Variants in LRRC38 observed in about 807,000 individuals in gnomAD.
LRRC38 encodes the protein leucine-rich repeat-containing protein 38.
Under a neutral mutation model 16.4 loss-of-function variants are expected in LRRC38, and 5 were observed. The observed-to-expected ratio is 0.31, with a 90% CI of 0.16 to 0.64. LRRC38 has a LOEUF of 0.64. Ranked by LOEUF, LRRC38 falls within the 30% of genes least tolerant of loss-of-function variation. The pLI is 0.80. For synonymous variants in LRRC38, 191 were observed against 190.2 expected (o/e 1.00, Z -0.04); for missense variants, 341 against 401.8 (o/e 0.85, Z 1.29).
intron 1 of LRRC38, among the ~76,000 whole-genome samples, chr1:13,504,864 A>AG (rs1491081475): frequency 7.2e-6 from 1 of 139,732 alleles, no homozygotes; most frequent in East Asian, 2.7e-4. Flanking sequence ...AAGAAAAAAG[A>AG]AAAAGAGAAA....
At chr1:13,484,322 G>C (rs1222543132) in intron 1 of LRRC38, among the ~76,000 whole-genome samples, 1 of 151,922 alleles carries the variant, frequency 6.6e-6, no homozygotes, top group Admixed American at 6.6e-5. Flanking sequence ...CTCTGAGCAG[G>C]TATTTATTTT....
intron 1 of LRRC38, among the ~76,000 whole-genome samples, chr1:13,483,681 G>A (rs1475068967): frequency 2.0e-5 from 3 of 152,144 alleles, no homozygotes; most frequent in African/African-American, 7.2e-5. Flanking sequence ...CCTGGTGCCT[G>A]TGTGACCCTG....
At position 13,513,618 on chromosome 1, in the gene LRRC38, G is replaced by T; in HGVS notation, c.-25C>A. 9.4e-7 allele frequency: 1 copy of T among 1,065,696 alleles called. No individual in the cohort carries two copies. The highest frequency in any genetic ancestry group is 4.4e-5 in the South Asian group (1 of 22,798). The allele number at this position is 1,065,696 out of a possible 1,614,324, so 66.0% of individuals were successfully genotyped here. On this transcript the variant is annotated 5_prime_UTR_variant, in exon 1 of 2. Transcript: ENST00000376085. The stretch of plus-strand genomic sequence containing the variant: ...TGGCCGGGGGGCCCGCGCCGGCCGC[G>T]GCGAGAAGGAAGCGGCTCTCGGAGC...
At position 13,475,563 on chromosome 1, in the gene LRRC38, C is replaced by G. The variant is rs1638775991; in HGVS notation, c.*283G>C. The G allele has an allele frequency of 2.5e-6, 1 of 398,560 alleles. No homozygotes were observed. The highest frequency in any genetic ancestry group is 3.7e-5 in the Admixed American group (1 of 26,786). 24.7% of individuals were successfully genotyped at this position (398,560 alleles called of 1,614,324 possible). A position where few individuals can be genotyped will look rare whatever the true frequency, so the allele number is the denominator to read the frequency against. On this transcript the variant is annotated 3_prime_UTR_variant, in exon 2 of 2. Coordinates refer to ENST00000376085, the MANE Select transcript of LRRC38 (RefSeq NM_001010847.2). This position sits in a 1 kb window ranked among gnomAD's most constrained non-coding sequence, Gnocchi z 4.3. ...AGGCTTTTAGTCATCAGCTATGAAG[C>G]CTGACTCGGTCATCTTCTCCCCCAA...
At chr1:13,502,371 C>A (rs1446238755) in intron 1 of LRRC38, among the ~76,000 whole-genome samples, 1 of 152,172 alleles carries the variant, frequency 6.6e-6, no homozygotes, top group East Asian at 1.9e-4. Context: ...TTCCCCTGAC[C>A]TCGGGGCTCC....
intron 1 of LRRC38, among the ~76,000 whole-genome samples, chr1:13,482,800 A>G (rs1313073715): frequency 6.6e-6 from 1 of 152,160 alleles, no homozygotes; most frequent in African/African-American, 2.4e-5. Flanking sequence ...AGAATAGTGA[A>G]GGAAAGCCAA....
At chr1:13,502,460 T>C (rs138919172) in intron 1 of LRRC38, among the ~76,000 whole-genome samples, 1 of 151,920 alleles carries the variant, frequency 6.6e-6, no homozygotes, top group African/African-American at 2.4e-5. Context: ...GCTCACCACC[T>C]CCTCCCTCTG....
chr1:13,513,619 G>GGGC lies in LRRC38; in HGVS notation c.-27_-26insGCC. ...GGCCGGGGGGCCCGCGCCGGCCGCG[G>GGGC]CGAGAAGGAAGCGGCTCTCGGAGCG... On this transcript the variant is annotated 5_prime_UTR_variant, in exon 1 of 2. Coordinates refer to ENST00000376085, the MANE Select transcript of LRRC38 (RefSeq NM_001010847.2). 1 of 1,064,878 alleles carries GGGC rather than the reference G, an allele frequency of 9.4e-7. No individual in the cohort carries two copies. The highest frequency in any genetic ancestry group is 7.4e-5 in the East Asian group (1 of 13,568). 66.0% of individuals were successfully genotyped at this position (1,064,878 alleles called of 1,614,324 possible).
intron 1 of LRRC38, among the ~76,000 whole-genome samples, chr1:13,505,961 G>GTCTGGGCTGTGGGAGGGAGCTCA (rs1434171578): frequency 6.6e-6 from 1 of 152,082 alleles, no homozygotes; most frequent in Admixed American, 6.6e-5. Flanking sequence ...GAGGGAGCTC[G>GTCTGGGCTGTGGGAGGGAGCTCA]GTTGATTCTA....
chr1:13,478,479 G>T (rs1431194137), intron 1 of LRRC38, among the ~76,000 whole-genome samples: 1 of 152,154 alleles, frequency 6.6e-6, no homozygotes, highest in Non-Finnish European at 1.5e-5. Flanking sequence ...GATTAACAAG[G>T]TGCCCTTTTC....
chr1:13,487,769 G>T lies in LRRC38; in HGVS notation c.632-11670C>A, dbSNP rs1005264844. Among the ~76,000 whole-genome samples, 1 of 152,144 alleles carries T rather than the reference G, an allele frequency of 6.6e-6. No individual in the cohort carries two copies. The highest frequency in any genetic ancestry group is 2.4e-5 in the African/African-American group (1 of 41,442). ...TGAGATTAATCTCTTGCACCGGACC[G>T]GCCCCTTGCCAACAAACAGGCCTGC... is the stretch of plus-strand genomic sequence containing the variant. On this transcript the variant is annotated intron_variant, in intron 1 of 1. Transcript: ENST00000376085. This position sits in a 1 kb window ranked among gnomAD's most constrained non-coding sequence, Gnocchi z 4.4.
At chr1:13,490,891 G>A (rs6676431) in intron 1 of LRRC38, among the ~76,000 whole-genome samples, 11,866 of 152,032 alleles carry the variant, frequency 0.078, 1,582 homozygotes, top group African/African-American at 0.27. Flanking sequence ...TCGCCGGCAC[G>A]CTAGAAAAAG....
chr1:13,493,679 A>G (rs1439253157), intron 1 of LRRC38, among the ~76,000 whole-genome samples: 1 of 152,232 alleles, frequency 6.6e-6, no homozygotes, highest in African/African-American at 2.4e-5. Flanking sequence ...CGATGCAGAG[A>G]GGTCATGGGG....
At chr1:13,512,927 C>CG in intron 1 of LRRC38, 36 bp downstream of exon 1, 18 of 1,333,520 alleles carry the variant, frequency 1.3e-5, no homozygotes, top group Non-Finnish European at 1.7e-5. Context: ...CCCTGCCCCC[C>CG]TCCCTCCCTC....
intron 1 of LRRC38, among the ~76,000 whole-genome samples, chr1:13,493,058 A>G (rs1255455412): frequency 6.6e-6 from 1 of 152,242 alleles, no homozygotes; most frequent in Non-Finnish European, 1.5e-5. Context: ...CCGTGAGTGC[A>G]GGCATCTCAC....
At chr1:13,479,084 A>C (rs1391640298) in intron 1 of LRRC38, among the ~76,000 whole-genome samples, 1 of 152,218 alleles carries the variant, frequency 6.6e-6, no homozygotes, top group Non-Finnish European at 1.5e-5. Context: ...AATGCATTTG[A>C]ATAAAACAGG....
intron 1 of LRRC38, among the ~76,000 whole-genome samples, chr1:13,482,463 C>A (rs1341197212): frequency 6.6e-6 from 1 of 151,956 alleles, no homozygotes; most frequent in Non-Finnish European, 1.5e-5. Flanking sequence ...GCCTCTACTC[C>A]CAGCTACTTG....
Position 13,475,816 on chromosome 1 carries a change from G to C in LRRC38, c.*30C>G. ...GGAGAGAGCTTCTGGTTCGGTGCTG[G>C]AGAGTAAGAGGCAGGAGGGAGGAGG... On this transcript the variant is annotated 3_prime_UTR_variant, in exon 2 of 2. Transcript: ENST00000376085. This position sits in a 1 kb window ranked among gnomAD's most constrained non-coding sequence, Gnocchi z 4.3. 1.9e-6 allele frequency: 3 copies of C among 1,544,962 alleles called. No homozygotes were observed. The highest frequency in any genetic ancestry group is 2.6e-6 in the Non-Finnish European group (3 of 1,143,864).
intron 1 of LRRC38, among the ~76,000 whole-genome samples, chr1:13,496,287 G>A (rs932375755): frequency 1.3e-5 from 2 of 152,114 alleles, no homozygotes; most frequent in African/African-American, 4.8e-5. Flanking sequence ...TCTTGCCTCA[G>A]CGTCCCAAGT....
Sources: allele counts gnomAD v4.1 joint callset (sites outside exome capture counted in the v4.1 genomes callset), GRCh38; gene constraint gnomAD v4.1.1; non-coding constraint Gnocchi (gnomAD v3.1); transcripts MANE v1.5; gene names NCBI Gene and HGNC (gene_info 2026-07-23, HGNC 2026-07-21).